KIF13B: variants seen among roughly 807,000 people sequenced by gnomAD.
KIF13B encodes the protein kinesin family member 13B.
In KIF13B, 127 loss-of-function variants were observed where a neutral mutation model predicts 222.0. The ratio of observed to expected loss-of-function variants is 0.57; its 90% CI spans 0.50 to 0.66. KIF13B has a LOEUF of 0.66. Among genes scored for constraint, KIF13B ranks in the 30% least tolerant of loss-of-function variants. The probability of loss-of-function intolerance (pLI) is 0.00; values close to 1 mark genes in which losing one functional copy is unlikely to be tolerated. For synonymous variants in KIF13B, 976 were observed against 919.0 expected (o/e 1.06, Z -1.12); for missense variants, 2,173 against 2,379.0 (o/e 0.91, Z 1.80).
chr8:29,096,632 T>A (rs11776360), intron 36 of KIF13B, among the ~76,000 whole-genome samples: 3 of 151,684 alleles, frequency 2.0e-5, no homozygotes, highest in African/African-American at 7.3e-5. Context: ...AAAGTGAGGT[T>A]TGAATACCTA....
intron 2 of KIF13B, among the ~76,000 whole-genome samples, chr8:29,220,921 G>T (rs1814713699): frequency 6.6e-6 from 1 of 151,740 alleles, no homozygotes; most frequent in African/African-American, 2.4e-5. Flanking sequence ...GACCAGCCTG[G>T]GCAACACAGC....
intron 37 of KIF13B, among the ~76,000 whole-genome samples, chr8:29,078,343 T>TA (rs1563682357): frequency 2.0e-5 from 3 of 150,060 alleles, no homozygotes; most frequent in Admixed American, 1.3e-4. Context: ...GAAAGGGTCA[T>TA]AAATAGAACG....
intron 2 of KIF13B, among the ~76,000 whole-genome samples, chr8:29,220,598 G>A (rs1304331562): frequency 6.6e-6 from 1 of 151,912 alleles, no homozygotes; most frequent in African/African-American, 2.4e-5. Flanking sequence ...AACAGCCCAT[G>A]GGTTTTGATA....
intron 37 of KIF13B, among the ~76,000 whole-genome samples, chr8:29,080,327 C>CAAAAAAAAA (rs5890439): frequency 3.0e-5 from 2 of 67,148 alleles, no homozygotes; most frequent in Middle Eastern, 0.011. Flanking sequence ...GACCCAGTCT[C>CAAAAAAAAA]AAAAAAAAAA....
chr8:29,132,844 A>T (rs1405707471), intron 22 of KIF13B, among the ~76,000 whole-genome samples: 1 of 152,214 alleles, frequency 6.6e-6, no homozygotes, highest in East Asian at 1.9e-4. Flanking sequence ...TGTGTTGCAA[A>T]AACATTTTTT....
At chr8:29,133,885 T>C (rs954393842) in intron 22 of KIF13B, among the ~76,000 whole-genome samples, 155 bp downstream of exon 22, 3 of 152,212 alleles carry the variant, frequency 2.0e-5, no homozygotes, top group South Asian at 4.1e-4. Context: ...TGGAGGAGTA[T>C]AGATGCATTG....
chr8:29,200,940 T>C (rs531544196), intron 2 of KIF13B, among the ~76,000 whole-genome samples: 2 of 152,196 alleles, frequency 1.3e-5, no homozygotes, highest in Non-Finnish European at 2.9e-5. Context: ...GCATGTGCCA[T>C]TACTGATCAT....
chr8:29,142,349 G>C, intron 18 of KIF13B, 46 bp from the exon 19 acceptor site: 4 of 1,555,528 alleles, frequency 2.6e-6, no homozygotes, highest in Non-Finnish European at 2.6e-6. Context: ...CAGGCAGCGG[G>C]GAAGTCAAAG....
At chr8:29,229,088 TAAAAAAA>T (rs370080449) in intron 2 of KIF13B, among the ~76,000 whole-genome samples, 1 of 94,692 alleles carries the variant, frequency 1.1e-5, no homozygotes, top group Non-Finnish European at 2.0e-5. Flanking sequence ...ATGTCAGCTT[TAAAAAAA>T]AAAAAAAAAA....
chr8:29,138,804 G>A (rs4732906), intron 21 of KIF13B, among the ~76,000 whole-genome samples: 29,835 of 152,106 alleles, frequency 0.2, 3,182 homozygotes, highest in Admixed American at 0.29. Context: ...AAGAGAAAGC[G>A]AGCGAGTGAG....
At chr8:29,084,746 T>G (rs529597689) in intron 37 of KIF13B, among the ~76,000 whole-genome samples, 1 of 152,354 alleles carries the variant, frequency 6.6e-6, no homozygotes, top group East Asian at 1.9e-4. Flanking sequence ...TTATGCCAAA[T>G]TAATTCAATC....
At chr8:29,205,200 T>TG (rs1296435371) in intron 2 of KIF13B, among the ~76,000 whole-genome samples, 1 of 151,146 alleles carries the variant, frequency 6.6e-6, no homozygotes, top group Non-Finnish European at 1.5e-5. Flanking sequence ...AAAAAGTTTT[T>TG]TTAAAAAAAA....
At chr8:29,142,095 C>A in intron 19 of KIF13B, 62 bp downstream of exon 19, 1 of 1,399,068 alleles carries the variant, frequency 7.1e-7, no homozygotes, top group Non-Finnish European at 1.0e-6. Context: ...AATGGGTAGA[C>A]TCATTCCAGC....
At chr8:29,173,627 A>C (rs1050678919) in intron 10 of KIF13B, among the ~76,000 whole-genome samples, 1 of 151,868 alleles carries the variant, frequency 6.6e-6, no homozygotes, top group African/African-American at 2.4e-5. Context: ...CTCCAAAAAA[A>C]AAAAGACTTC....
In KIF13B at chr8:29,095,975, GTTTGTTT is replaced by G. The variant is rs1413539913; in HGVS notation, c.4325-3104_4325-3098del. Among the ~76,000 whole-genome samples the G allele has an allele frequency of 4.0e-3, 461 of 114,744 alleles. 5 individuals carry two copies. The highest frequency in any genetic ancestry group is 0.013 in the African/African-American group (444 of 33,984). The allele number at this position is 114,744 out of a possible 152,430, so 75.3% of individuals were successfully genotyped here. A position where few individuals can be genotyped will look rare whatever the true frequency, so the allele number is the denominator to read the frequency against. On this transcript the variant is annotated intron_variant, in intron 36 of 39. Transcript: ENST00000524189. ...CAAAAGACAAGTAGTGTTTTTTTTT[GTTTGTTT>G]TTTGTTTTTTTTTTTTTAAGACAGA...
chr8:29,206,827 G>A (rs1364419299), intron 2 of KIF13B, among the ~76,000 whole-genome samples: 1 of 152,120 alleles, frequency 6.6e-6, no homozygotes, highest in Non-Finnish European at 1.5e-5. Flanking sequence ...AAATAAAGCA[G>A]GGAAGGTGGA....
At chr8:29,075,378 G>C in intron 37 of KIF13B, 35 bp from the exon 38 acceptor site, 1 of 1,540,362 alleles carries the variant, frequency 6.5e-7, no homozygotes, top group Non-Finnish European at 8.8e-7. Context: ...GGGGTCGAGA[G>C]GACAGAACAG....
In KIF13B at chr8:29,262,972, G is replaced by C. The variant is rs776891111; in HGVS notation, c.55+8C>G. The stretch of plus-strand genomic sequence containing the variant: ...CGCCCCGGCGGCCCAGGAGGGCTCG[G>C]CTCTCACCTCGCCGGTTCATGGGTC... On this transcript the variant is annotated splice_region_variant and intron_variant, in intron 1 of 39. Coordinates refer to ENST00000524189, the MANE Select transcript of KIF13B (RefSeq NM_015254.4). The C allele has an allele frequency of 2.5e-6, 4 of 1,587,716 alleles. No individual in the cohort carries two copies. In the South Asian group the frequency reaches 4.6e-5, roughly 18 times the overall value.
At chr8:29,136,585 AAATT>A (rs71222593) in intron 21 of KIF13B, among the ~76,000 whole-genome samples, 125,113 of 151,200 alleles carry the variant, frequency 0.83, 52,364 homozygotes, top group Non-Finnish European at 0.87. Context: ...CTCCGCTCAA[AAATT>A]AATTAATTAA....
Sources: allele counts gnomAD v4.1 joint callset (sites outside exome capture counted in the v4.1 genomes callset), GRCh38; gene constraint gnomAD v4.1.1; transcripts MANE v1.5; gene names NCBI Gene and HGNC (gene_info 2026-07-23, HGNC 2026-07-21).